Variants in PCDH15 observed in about 807,000 individuals in gnomAD.
PCDH15 encodes protocadherin-15.
In PCDH15, 129 loss-of-function variants were observed where a neutral mutation model predicts 178.5. The ratio of observed to expected loss-of-function variants is 0.72; its 90% CI spans 0.63 to 0.84. The LOEUF is 0.84. Among genes scored for constraint, PCDH15 ranks in the 40% least tolerant of loss-of-function variants. The probability of loss-of-function intolerance (pLI) is 0.00; values close to 1 mark genes in which losing one functional copy is unlikely to be tolerated. For missense variants in PCDH15, 2,230 were observed against 2,099.9 expected, an observed-to-expected ratio of 1.06 and a Z score of -1.21; for synonymous variants, 800 against 732.0, an observed-to-expected ratio of 1.09 and a Z score of -1.50.
chr10:54,459,202 T>A (rs1405977413), intron 3 of PCDH15, among the ~76,000 whole-genome samples: 1 of 152,230 alleles, frequency 6.6e-6, no homozygotes, highest in East Asian at 1.9e-4. Flanking sequence ...GTTCCCACCT[T>A]GTACCCTGAG....
At chr10:55,453,633 C>T (rs898355351) in intron 2 of PCDH15, among the ~76,000 whole-genome samples, 1 of 152,032 alleles carries the variant, frequency 6.6e-6, no homozygotes, top group Admixed American at 6.6e-5. Flanking sequence ...ACTTCTCAGT[C>T]CCATTTCCCT....
chr10:55,533,271 G>T (rs1841495941), intron 2 of PCDH15, among the ~76,000 whole-genome samples: 1 of 151,940 alleles, frequency 6.6e-6, no homozygotes, highest in African/African-American at 2.4e-5. Flanking sequence ...CAAATAGAAA[G>T]TTCTCTTCTC....
chr10:54,473,360 T>G (rs1280762633), intron 3 of PCDH15, among the ~76,000 whole-genome samples: 2 of 152,116 alleles, frequency 1.3e-5, no homozygotes, highest in Non-Finnish European at 2.9e-5. Context: ...TGATAAATGT[T>G]CTAGAAACTT....
At chr10:54,096,086 A>T (rs1434891609) in intron 15 of PCDH15, among the ~76,000 whole-genome samples, 2 of 152,130 alleles carry the variant, frequency 1.3e-5, no homozygotes, top group African/African-American at 4.8e-5. Context: ...TAAGCTTAAA[A>T]ATTAAATAAT....
chr10:54,577,069 G>A lies in PCDH15; in HGVS notation c.92-49192C>T, dbSNP rs531979051. On this transcript the variant is annotated intron_variant, in intron 2 of 37. Coordinates refer to ENST00000644397, the MANE Select transcript of PCDH15 (RefSeq NM_001384140.1). ...AAGAGCACAGAATGTATACCTGAAA[G>A]ACCTGAAGAAAATTTTAATTTCTTT... Among the ~76,000 whole-genome samples, 16 of 137,998 alleles carry A rather than the reference G, an allele frequency of 1.2e-4. No homozygotes were observed. In the East Asian group the frequency reaches 3.5e-3, roughly 30 times the overall value. The allele number at this position is 137,998 out of a possible 152,430, so 90.5% of individuals were successfully genotyped here.
rs535440813 is a variant in PCDH15 at position 54,483,308 on chromosome 10, C to A, written c.157+44504G>T. On this transcript the variant is annotated intron_variant, in intron 3 of 37. Coordinates refer to ENST00000644397, the MANE Select transcript of PCDH15 (RefSeq NM_001384140.1). ...AACATGGTATGTGTTTAATGCTCAG[C>A]AATTATGTTATGAGCAAACAACAAG... 8.6e-5 allele frequency among the ~76,000 whole-genome samples: 13 copies of A among 151,826 alleles called. No homozygotes were observed. In the South Asian group the frequency reaches 2.5e-3, roughly 29 times the overall value.
rs1272851958 is a variant in PCDH15, at chr10:54,801,073, T to C, written c.-177A>G. The C allele has an allele frequency of 6.6e-6, 1 of 152,220 alleles. No homozygotes were observed. Among genetic ancestry groups the C allele is most frequent in the Non-Finnish European group, 1.5e-5 (1 of 68,046 alleles). The allele number at this position is 152,220 out of a possible 1,614,324, so 9.4% of individuals were successfully genotyped here. A position where few individuals can be genotyped will look rare whatever the true frequency, so the allele number is the denominator to read the frequency against. On this transcript the variant is annotated 5_prime_UTR_variant, in exon 1 of 38. Transcript: ENST00000644397. ...ATTCACATGTTCCACCTCTTGTTTCTGTGAGGCATTGATATCCACTCTCAT... is the reference window on the plus strand; with the variant it reads ...ATTCACATGTTCCACCTCTTGTTTCCGTGAGGCATTGATATCCACTCTCAT...
chr10:53,845,647 C>T (rs1358762057), intron 28 of PCDH15, among the ~76,000 whole-genome samples: 1 of 151,630 alleles, frequency 6.6e-6, no homozygotes, highest in Non-Finnish European at 1.5e-5. Flanking sequence ...CACATATTCT[C>T]ATTCATATGT....
chr10:54,922,516 T>C (rs1219603960), intron 2 of PCDH15, among the ~76,000 whole-genome samples: 1 of 152,032 alleles, frequency 6.6e-6, no homozygotes, highest in Non-Finnish European at 1.5e-5. Flanking sequence ...ACTTGGACTT[T>C]TGAGTTAATG....
chr10:54,015,215 C>G (rs536919866), intron 20 of PCDH15, among the ~76,000 whole-genome samples: 6 of 152,170 alleles, frequency 3.9e-5, no homozygotes, highest in African/African-American at 1.4e-4. Flanking sequence ...TGAAAAATCT[C>G]TACAATGAGA....
chr10:55,352,705 G>A (rs1035711556), intron 2 of PCDH15, among the ~76,000 whole-genome samples: 2 of 152,058 alleles, frequency 1.3e-5, no homozygotes, highest in Non-Finnish European at 2.9e-5. Flanking sequence ...GCAAAAGTAA[G>A]GCTCCATTTC....
chr10:54,480,020 A>C (rs1357459387), intron 3 of PCDH15, among the ~76,000 whole-genome samples: 2 of 152,090 alleles, frequency 1.3e-5, no homozygotes, highest in African/African-American at 4.8e-5. Flanking sequence ...ACTAGAGTTG[A>C]AAATAAAAAT....
chr10:54,432,337 T>A (rs1463180888), intron 3 of PCDH15, among the ~76,000 whole-genome samples: 1 of 151,356 alleles, frequency 6.6e-6, no homozygotes, highest in East Asian at 1.9e-4. Context: ...TACACTGCAG[T>A]GCTACAATAA....
intron 14 of PCDH15, among the ~76,000 whole-genome samples, chr10:54,152,085 G>T (rs893681461): frequency 3.3e-5 from 5 of 152,020 alleles, no homozygotes; most frequent in African/African-American, 1.2e-4. Context: ...TATTGTGTGG[G>T]GACCACAGAG....
chr10:53,997,877 C>A (rs535661273), intron 20 of PCDH15, among the ~76,000 whole-genome samples: 1 of 152,096 alleles, frequency 6.6e-6, no homozygotes, highest in African/African-American at 2.4e-5. Flanking sequence ...CTTTTTATGG[C>A]ACGTTGTACA....
chr10:54,898,469 G>C (rs1283796560), intron 2 of PCDH15, among the ~76,000 whole-genome samples: 1 of 151,998 alleles, frequency 6.6e-6, no homozygotes, highest in Non-Finnish European at 1.5e-5. Flanking sequence ...GATAATTAAG[G>C]AATATTCCAG....
At chr10:54,785,727 A>C (rs555704390) in intron 1 of PCDH15, among the ~76,000 whole-genome samples, 2 of 152,142 alleles carry the variant, frequency 1.3e-5, no homozygotes, top group South Asian at 4.1e-4. Flanking sequence ...AGCACCCTGG[A>C]TAAATCTTAA....
chr10:55,474,678 C>A (rs1840029009), intron 2 of PCDH15, among the ~76,000 whole-genome samples: 1 of 152,144 alleles, frequency 6.6e-6, no homozygotes, highest in African/African-American at 2.4e-5. Context: ...AGATGTCTCC[C>A]TTTCAAATCG....
At chr10:54,121,281 T>C (rs185572391) in intron 15 of PCDH15, among the ~76,000 whole-genome samples, 168 of 152,178 alleles carry the variant, frequency 1.1e-3, no homozygotes, top group Admixed American at 5.0e-3. Flanking sequence ...ATCTCTGGGA[T>C]GTTGCAAAAT....
Sources: allele counts gnomAD v4.1 joint callset (sites outside exome capture counted in the v4.1 genomes callset), GRCh38; gene constraint gnomAD v4.1.1; transcripts MANE v1.5; gene names NCBI Gene and HGNC (gene_info 2026-07-23, HGNC 2026-07-21).